The following PPFIBP2 variants were observed in gnomAD, a reference collection of about 807,000 sequenced individuals.
The protein encoded by PPFIBP2 is liprin-beta-2.
PPFIBP2 carries 118 observed loss-of-function variants against 118.3 expected under a neutral mutation model. The observed-to-expected ratio is 1.00, with a 90% CI of 0.86 to 1.16. PPFIBP2 has a LOEUF of 1.16. Ranked by LOEUF, PPFIBP2 falls within the 50% of genes most tolerant of loss-of-function variation. PPFIBP2 has a pLI of 0.00. For synonymous variants in PPFIBP2, 414 were observed against 397.4 expected (o/e 1.04, Z -0.50); for missense variants, 1,195 against 1,073.1 (o/e 1.11, Z -1.59).
chr11:7,665,988 T>G, the PPFIBP2 span: 1 of 1,340,688 alleles, frequency 7.5e-7, no homozygotes, highest in Non-Finnish European at 1.0e-6. Flanking sequence ...GGCGCGCCTG[T>G]GGGGTGCTCT....
At chr11:7,561,776 A>G (rs1404094724) in intron 2 of PPFIBP2, among the ~76,000 whole-genome samples, 1 of 152,206 alleles carries the variant, frequency 6.6e-6, no homozygotes, top group African/African-American at 2.4e-5. Context: ...AACATTTATC[A>G]TCTGTTTCTA....
At chr11:7,566,487 G>A (rs1051839522) in intron 3 of PPFIBP2, among the ~76,000 whole-genome samples, 3 of 151,988 alleles carry the variant, frequency 2.0e-5, no homozygotes, top group Non-Finnish European at 4.4e-5. Context: ...GCTCCCAGAA[G>A]TGTACCACCT....
rs778277797 is a variant in PPFIBP2 at position 7,639,831 on chromosome 11, T to G, written c.1336T>G (p.Cys446Gly). The G allele has an allele frequency of 2.0e-5, 33 of 1,614,096 alleles. No individual in the cohort carries two copies. The highest frequency in any genetic ancestry group is 2.7e-5 in the Non-Finnish European group (32 of 1,180,042). The change falls in exon 15 of 24, where the codon TGC becomes GGC. Residue 446 changes from cysteine (C) to glycine (G), a missense_variant. Transcript: ENST00000299492. ...GEAAKSPPTI[C>G]QPDATGSSLL... ...GGCTGCCAAATCTCCTCCCACCATCTGCCAGCCTGACGCCACGGGGAGCAG... is the reference window on the plus strand; with the variant it reads ...GGCTGCCAAATCTCCTCCCACCATCGGCCAGCCTGACGCCACGGGGAGCAG...
intron 3 of PPFIBP2, among the ~76,000 whole-genome samples, chr11:7,572,384 C>T (rs1564987486): frequency 6.6e-6 from 1 of 152,186 alleles, no homozygotes; most frequent in Non-Finnish European, 1.5e-5. Context: ...GATCCCTGCC[C>T]CCCAAAGTAA....
At chr11:7,629,883 A>G (rs534933958) in intron 10 of PPFIBP2, among the ~76,000 whole-genome samples, 2 of 152,346 alleles carry the variant, frequency 1.3e-5, no homozygotes, top group South Asian at 4.1e-4. Flanking sequence ...ACTCAGTGCC[A>G]TCATTGGGGA....
At chr11:7,534,349 T>C (rs1851011383) in intron 1 of PPFIBP2, among the ~76,000 whole-genome samples, 1 of 152,228 alleles carries the variant, frequency 6.6e-6, no homozygotes, top group Admixed American at 6.5e-5. Flanking sequence ...AACCTCTTGC[T>C]TGTATTATTT....
At chr11:7,640,095 G>GC (rs1851962785) in intron 15 of PPFIBP2, among the ~76,000 whole-genome samples, 6 of 152,190 alleles carry the variant, frequency 3.9e-5, no homozygotes, top group Non-Finnish European at 1.5e-5. Context: ...ACCAGGGTGT[G>GC]TGTATCCCCT....
intron 3 of PPFIBP2, among the ~76,000 whole-genome samples, chr11:7,572,645 C>T (rs566157132): frequency 6.6e-6 from 1 of 152,320 alleles, no homozygotes; most frequent in Admixed American, 6.5e-5. Context: ...AAAAGAAAAT[C>T]CTGCCAGAGA....
chr11:7,522,556 G>A (rs1302993237), intron 1 of PPFIBP2, among the ~76,000 whole-genome samples: 1 of 152,224 alleles, frequency 6.6e-6, no homozygotes, highest in African/African-American at 2.4e-5. Context: ...TGTAGCACAT[G>A]AGTTTAGCCA....
chr11:7,544,031 G>T (rs1852045089), intron 1 of PPFIBP2, among the ~76,000 whole-genome samples: 1 of 152,212 alleles, frequency 6.6e-6, no homozygotes, highest in Non-Finnish European at 1.5e-5. Flanking sequence ...CTCACTGGTA[G>T]CGAAGAGAAG....
At chr11:7,665,783 C>T in the PPFIBP2 span, 12 of 1,458,614 alleles carry the variant, frequency 8.2e-6, no homozygotes, top group Middle Eastern at 1.7e-4. Context: ...TGCTGTCTGT[C>T]AGCTGTCAGC....
intron 5 of PPFIBP2, among the ~76,000 whole-genome samples, chr11:7,607,198 C>A (rs1847483025): frequency 6.8e-6 from 1 of 146,758 alleles, no homozygotes; most frequent in African/African-American, 2.5e-5. Context: ...GCGTGAGCCA[C>A]CGCGCCCGGC....
chr11:7,584,419 C>G (rs1266145211), intron 3 of PPFIBP2, among the ~76,000 whole-genome samples: 1 of 152,164 alleles, frequency 6.6e-6, no homozygotes. Flanking sequence ...TAGGCTTTCT[C>G]TTGTTGGACT....
At chr11:7,536,677 A>G (rs374148296) in intron 1 of PPFIBP2, among the ~76,000 whole-genome samples, 2 of 152,156 alleles carry the variant, frequency 1.3e-5, no homozygotes, top group East Asian at 1.9e-4. Context: ...TCCCAGGCGC[A>G]TGAATGTCTG....
chr11:7,597,804 T>C (rs1214944249), intron 5 of PPFIBP2, 131 bp downstream of exon 5: 2 of 754,962 alleles, frequency 2.6e-6, no homozygotes, highest in South Asian at 1.7e-5. Flanking sequence ...GGCTGCTCAG[T>C]TGTACGGTGT....
chr11:7,530,776 G>A (rs1322380113), intron 1 of PPFIBP2, among the ~76,000 whole-genome samples: 1 of 152,180 alleles, frequency 6.6e-6, no homozygotes, highest in South Asian at 2.1e-4. Context: ...TTCTTCAGGG[G>A]AAGAAGCACC....
intron 22 of PPFIBP2, chr11:7,651,226 C>T (rs1379919219): frequency 3.2e-5 from 12 of 379,624 alleles, no homozygotes; most frequent in Admixed American, 2.3e-4. Flanking sequence ...TGGAGACCAA[C>T]GCTTACAAGG....
At chr11:7,656,830 T>C (rs780267304), downstream of PPFIBP2, 6 of 1,288,198 alleles carry the variant, frequency 4.7e-6, no homozygotes, top group South Asian at 6.2e-5. Flanking sequence ...TAGGGAGGCA[T>C]GTGTGGGGGC....
intron 6 of PPFIBP2, among the ~76,000 whole-genome samples, chr11:7,615,604 T>A (rs936271497): frequency 6.6e-6 from 1 of 152,212 alleles, no homozygotes; most frequent in African/African-American, 2.4e-5. Context: ...CCAGCTGAAT[T>A]CTGAAGCATT....
Sources: gnomAD v4.1 joint callset for allele counts (sites outside exome capture counted in the v4.1 genomes callset) on GRCh38, gnomAD v4.1.1 for gene constraint, MANE v1.5 for transcripts, NCBI Gene and HGNC (gene_info 2026-07-23, HGNC 2026-07-21) for gene names.